The following SNX10 variants were observed in gnomAD, a reference collection of about 807,000 sequenced individuals.
The protein encoded by SNX10 is sorting nexin 10.
A neutral mutation model predicts 28.5 loss-of-function variants in SNX10; 25 were observed. That is an observed-to-expected ratio of 0.88 (90% CI 0.64 to 1.22). The LOEUF (loss-of-function observed/expected upper bound fraction) is 1.22, where lower values mean the gene tolerates loss of function less well. Ranked by LOEUF, SNX10 falls within the 50% of genes most tolerant of loss-of-function variation. The probability of loss-of-function intolerance (pLI) is 0.00; values close to 1 mark genes in which losing one functional copy is unlikely to be tolerated. For synonymous variants in SNX10, 62 were observed against 81.4 expected (o/e 0.76, Z 1.28); for missense variants, 223 against 242.6 (o/e 0.92, Z 0.54).
chr7:26,372,626 A>G lies in SNX10; in HGVS notation c.*54A>G. 9.9e-7 allele frequency: 1 copy of G among 1,013,996 alleles called. No individual in the cohort carries two copies. Among genetic ancestry groups the G allele is most frequent in the East Asian group, 2.4e-5 (1 of 42,080 alleles). The allele number at this position is 1,013,996 out of a possible 1,614,324, so 62.8% of individuals were successfully genotyped here. A position where few individuals can be genotyped will look rare whatever the true frequency, so the allele number is the denominator to read the frequency against. On this transcript the variant is annotated 3_prime_UTR_variant, in exon 7 of 7. Transcript: ENST00000338523. Reference sequence around the variant, plus strand: ...AATAGCAAATTATGTCCAGTCATAGAGAAGAAAGCTTCATAATAATACATT... The same window carrying G: ...AATAGCAAATTATGTCCAGTCATAGGGAAGAAAGCTTCATAATAATACATT...
chr7:26,369,096 C>T (rs1057265337), intron 5 of SNX10, among the ~76,000 whole-genome samples: 1 of 152,140 alleles, frequency 6.6e-6, no homozygotes, highest in African/African-American at 2.4e-5. Context: ...GGAATAACTT[C>T]TGATTTGCAC....
intron 1 of SNX10, among the ~76,000 whole-genome samples, chr7:26,331,321 C>T (rs1411535167): frequency 1.3e-5 from 2 of 152,224 alleles, no homozygotes; most frequent in South Asian, 4.1e-4. Flanking sequence ...CGTGGTGGCT[C>T]ACTCCTGTAA....
intron 1 of SNX10, among the ~76,000 whole-genome samples, chr7:26,324,178 ATAGATATTTTTG>A (rs1361780417): frequency 5.3e-5 from 8 of 152,180 alleles, no homozygotes; most frequent in African/African-American, 1.9e-4. Flanking sequence ...ATTCAGAAAC[ATAGATATTTTTG>A]TTGTAATGAG....
rs1243409834 is a variant in SNX10, at chr7:26,365,965, G to A, written c.311+820G>A. On this transcript the variant is annotated intron_variant, in intron 5 of 6. Coordinates refer to ENST00000338523, the MANE Select transcript of SNX10 (RefSeq NM_013322.3). ...TGTTGAGAAGATTAGACAAGTTAGT[G>A]ACTGTAAAGCACTCATGACAGTGTC... is the stretch of plus-strand genomic sequence containing the variant. 2.0e-5 allele frequency among the ~76,000 whole-genome samples: 3 copies of A among 152,172 alleles called. No homozygotes were observed. The East Asian group carries it at 5.8e-4, about 29-fold the overall frequency.
intron 3 of SNX10, among the ~76,000 whole-genome samples, chr7:26,362,783 G>C (rs1789130389): frequency 6.6e-6 from 1 of 152,100 alleles, no homozygotes; most frequent in African/African-American, 2.4e-5. Flanking sequence ...CACAACTCTG[G>C]GATCTTAACA....
At chr7:26,323,557 G>A (rs1054945604) in intron 1 of SNX10, among the ~76,000 whole-genome samples, 6 of 152,152 alleles carry the variant, frequency 3.9e-5, no homozygotes, top group African/African-American at 1.2e-4. Flanking sequence ...CCCAGGAGGC[G>A]GCAGGGGTGG....
At chr7:26,366,573 T>C (rs1789298742) in intron 5 of SNX10, among the ~76,000 whole-genome samples, 1 of 152,184 alleles carries the variant, frequency 6.6e-6, no homozygotes, top group Non-Finnish European at 1.5e-5. Flanking sequence ...TGATTTTAAT[T>C]GTTGTCTCTA....
intron 2 of SNX10, 139 bp downstream of exon 2, chr7:26,346,605 C>T: frequency 1.4e-6 from 1 of 712,574 alleles, no homozygotes; most frequent in Non-Finnish European, 2.6e-6. Context: ...CCTGTACCTG[C>T]TCCTCTACTC....
chr7:26,352,836 C>T (rs1788661518), intron 2 of SNX10, among the ~76,000 whole-genome samples: 1 of 152,276 alleles, frequency 6.6e-6, no homozygotes, highest in Middle Eastern at 3.4e-3. Flanking sequence ...TTGGTTGATA[C>T]ATTGTTTAAA....
In SNX10 at chr7:26,325,306, AAT is replaced by A. The variant is rs149785859; in HGVS notation, c.-23-21093_-23-21092del. Among the ~76,000 whole-genome samples the A allele has an allele frequency of 4.9e-4, 25 of 51,376 alleles. 3 individuals carry two copies. The highest frequency in any genetic ancestry group is 8.4e-4 in the Non-Finnish European group (15 of 17,950). The allele number at this position is 51,376 out of a possible 152,430, so 33.7% of individuals were successfully genotyped here. A position where few individuals can be genotyped will look rare whatever the true frequency, so the allele number is the denominator to read the frequency against. On this transcript the variant is annotated intron_variant, in intron 1 of 6. Coordinates refer to ENST00000338523, the MANE Select transcript of SNX10 (RefSeq NM_013322.3). ...AATTTTTTTCTACTGAAGTTTGCAA[AAT>A]ATATATATATATATATATATTTGAG...
intron 3 of SNX10, among the ~76,000 whole-genome samples, chr7:26,361,588 A>G (rs1462027671): frequency 1.3e-5 from 2 of 152,222 alleles, no homozygotes; most frequent in African/African-American, 4.8e-5. Flanking sequence ...CGTGGATGCT[A>G]CTGTATCACA....
intron 2 of SNX10, among the ~76,000 whole-genome samples, chr7:26,356,470 G>T (rs1028576840): frequency 6.6e-6 from 1 of 152,172 alleles, no homozygotes. Flanking sequence ...GGGCAGTGTC[G>T]TGAGGGATGC....
At position 26,364,367 on chromosome 7, in the gene SNX10, GT is replaced by G. The variant is rs1265071176; in HGVS notation, c.112-166del. On this transcript the variant is annotated intron_variant, in intron 3 of 6. Transcript: ENST00000338523. This position sits in a 1 kb window ranked among gnomAD's most constrained non-coding sequence, Gnocchi z 4.9. ...TCCTGGCTGTCTTCAGGGCTGTTATGTTCCTGGGTTATGTGCAAGATTTCAG... is the reference window on the plus strand; with the variant it reads ...TCCTGGCTGTCTTCAGGGCTGTTATGTCCTGGGTTATGTGCAAGATTTCAG... 2 of 1,369,134 alleles carry G rather than the reference GT, an allele frequency of 1.5e-6. No individual in the cohort carries two copies. Among genetic ancestry groups the G allele is most frequent in the Non-Finnish European group, 1.9e-6 (2 of 1,062,342 alleles). 84.8% of individuals were successfully genotyped at this position (1,369,134 alleles called of 1,614,324 possible).
intron 1 of SNX10, among the ~76,000 whole-genome samples, chr7:26,296,476 A>G (rs1786117433): frequency 6.6e-6 from 1 of 152,304 alleles, no homozygotes; most frequent in Admixed American, 6.5e-5. Context: ...TGATCTCACC[A>G]CTATACTCCA....
chr7:26,372,088 C>A, intron 6 of SNX10, 55 bp downstream of exon 6: 1 of 1,123,996 alleles, frequency 8.9e-7, no homozygotes, highest in Non-Finnish European at 1.3e-6. Context: ...ACATAGTATG[C>A]ACATATGCAC....
intron 5 of SNX10, 110 bp from the exon 6 acceptor site, chr7:26,371,711 C>A: frequency 1.3e-6 from 1 of 750,110 alleles, no homozygotes; most frequent in Non-Finnish European, 2.2e-6. Context: ...ACAAAGTTTA[C>A]CACAGTAGAG....
At chr7:26,361,926 C>T (rs1284986555) in intron 3 of SNX10, among the ~76,000 whole-genome samples, 1 of 152,196 alleles carries the variant, frequency 6.6e-6, no homozygotes, top group Non-Finnish European at 1.5e-5. Context: ...TAAATTAGTT[C>T]AACTGGGGAG....
chr7:26,346,591 C>CCCT (rs1295199007), intron 2 of SNX10, 125 bp downstream of exon 2: 1 of 751,944 alleles, frequency 1.3e-6, no homozygotes, highest in Non-Finnish European at 2.4e-6. Context: ...CAAAGGCCCA[C>CCCT]CCTCCTGTAC....
At chr7:26,294,259 C>T (rs1459628637) in intron 1 of SNX10, among the ~76,000 whole-genome samples, 4 of 152,188 alleles carry the variant, frequency 2.6e-5, no homozygotes, top group African/African-American at 9.7e-5. Flanking sequence ...TCTCTAAGCC[C>T]TGTTCAAAGA....
Sources: gnomAD v4.1 joint callset for allele counts (sites outside exome capture counted in the v4.1 genomes callset) on GRCh38, gnomAD v4.1.1 for gene constraint, Gnocchi (gnomAD v3.1) non-coding constraint, MANE v1.5 for transcripts, NCBI Gene and HGNC (gene_info 2026-07-23, HGNC 2026-07-21) for gene names.